SNTG1: variants seen among roughly 807,000 people sequenced by gnomAD.
SNTG1 encodes syntrophin gamma 1.
In SNTG1, 39 loss-of-function variants were observed where a neutral mutation model predicts 74.7. The observed-to-expected ratio is 0.52, with a 90% CI of 0.40 to 0.68. The LOEUF is 0.68. Among genes scored for constraint, SNTG1 ranks in the 30% least tolerant of loss-of-function variants. The pLI is 0.00. For synonymous variants in SNTG1, 254 were observed against 217.1 expected, an observed-to-expected ratio of 1.17 and a Z score of -1.49; for missense variants, 685 against 609.5, an observed-to-expected ratio of 1.12 and a Z score of -1.30.
At chr8:50,142,729 A>G (rs2081710961) in intron 1 of SNTG1, among the ~76,000 whole-genome samples, 1 of 152,138 alleles carries the variant, frequency 6.6e-6, no homozygotes, top group African/African-American at 2.4e-5. Flanking sequence ...GATGTATTTC[A>G]TCATGTTAAA....
rs536140747 is a variant in SNTG1, at chr8:50,120,049, G to T, written c.-102-52512G>T. On this transcript the variant is annotated intron_variant, in intron 1 of 18. Transcript: ENST00000642720. Reference sequence around the variant, plus strand: ...ATGAAGATGAAACCAGTCTTCCTGAGTTAAAAATGTAGCTTTGCCATTTAC... The same window carrying T: ...ATGAAGATGAAACCAGTCTTCCTGATTTAAAAATGTAGCTTTGCCATTTAC... Among the ~76,000 whole-genome samples, 557 of 141,840 alleles carry T rather than the reference G, an allele frequency of 3.9e-3. 80 individuals carry two copies. The highest frequency in any genetic ancestry group is 0.013 in the African/African-American group (528 of 39,374). The allele number at this position is 141,840 out of a possible 152,430, so 93.1% of individuals were successfully genotyped here. A position where few individuals can be genotyped will look rare whatever the true frequency, so the allele number is the denominator to read the frequency against.
At chr8:50,617,643 C>A (rs538660572) in intron 13 of SNTG1, among the ~76,000 whole-genome samples, 309 of 152,262 alleles carry the variant, frequency 2.0e-3, no homozygotes, top group African/African-American at 7.1e-3. Flanking sequence ...AGCCGAGCTC[C>A]CCGAGTGAGC....
chr8:50,152,330 C>T (rs1349831797), intron 1 of SNTG1, among the ~76,000 whole-genome samples: 3 of 152,288 alleles, frequency 2.0e-5, no homozygotes, highest in South Asian at 4.1e-4. Flanking sequence ...CTCCTGAATA[C>T]AGCACACTGA....
intron 1 of SNTG1, among the ~76,000 whole-genome samples, chr8:50,047,300 C>T (rs1173727953): frequency 6.6e-6 from 1 of 151,870 alleles, no homozygotes; most frequent in Admixed American, 6.6e-5. Context: ...GATGGTGCCA[C>T]CATGCTCTAG....
intron 17 of SNTG1, among the ~76,000 whole-genome samples, chr8:50,736,193 C>G (rs1404335647): frequency 6.6e-6 from 1 of 151,972 alleles, no homozygotes; most frequent in East Asian, 1.9e-4. Flanking sequence ...GCCATCGAGA[C>G]TATGAAGAAA....
At chr8:50,048,405 A>G (rs1014276458) in intron 1 of SNTG1, among the ~76,000 whole-genome samples, 1 of 152,164 alleles carries the variant, frequency 6.6e-6, no homozygotes, top group Non-Finnish European at 1.5e-5. Flanking sequence ...GAAAAATGGC[A>G]GAGTGTGGGG....
intron 2 of SNTG1, among the ~76,000 whole-genome samples, chr8:50,270,211 A>G (rs2087707193): frequency 6.6e-6 from 1 of 152,164 alleles, no homozygotes; most frequent in Admixed American, 6.6e-5. Flanking sequence ...TAGGTTTTGA[A>G]TGCCAGGTTA....
chr8:50,386,481 G>A (rs1210456062), intron 2 of SNTG1, among the ~76,000 whole-genome samples: 3 of 151,372 alleles, frequency 2.0e-5, no homozygotes, highest in Non-Finnish European at 4.4e-5. Flanking sequence ...TAGGGTATCA[G>A]CGTCCTTCTT....
chr8:50,185,831 A>C (rs948736607), intron 2 of SNTG1, among the ~76,000 whole-genome samples: 2 of 149,912 alleles, frequency 1.3e-5, no homozygotes, highest in Non-Finnish European at 3.0e-5. Flanking sequence ...TATTTTATTT[A>C]TTTTTTTTTA....
chr8:50,412,227 A>G (rs1305081111), intron 4 of SNTG1, among the ~76,000 whole-genome samples: 1 of 152,128 alleles, frequency 6.6e-6, no homozygotes, highest in Non-Finnish European at 1.5e-5. Flanking sequence ...TTTACCTTTA[A>G]AATAATTTTA....
intron 2 of SNTG1, among the ~76,000 whole-genome samples, chr8:50,188,785 C>T (rs2083469122): frequency 6.6e-6 from 1 of 152,092 alleles, no homozygotes; most frequent in Non-Finnish European, 1.5e-5. Context: ...ATCTGTTTCT[C>T]AAAAGCAGAG....
At chr8:50,410,592 C>T (rs1430585386) in intron 4 of SNTG1, among the ~76,000 whole-genome samples, 1 of 152,096 alleles carries the variant, frequency 6.6e-6, no homozygotes, top group African/African-American at 2.4e-5. Context: ...TATCACCTCC[C>T]CTGCTATATA....
intron 2 of SNTG1, among the ~76,000 whole-genome samples, chr8:50,379,897 G>T (rs2092453188): frequency 6.6e-6 from 1 of 152,170 alleles, no homozygotes; most frequent in African/African-American, 2.4e-5. Context: ...TGTAATGAGA[G>T]AATGGAATGT....
At chr8:49,948,394 C>T (rs1809401378) in intron 1 of SNTG1, among the ~76,000 whole-genome samples, 1 of 152,128 alleles carries the variant, frequency 6.6e-6, no homozygotes, top group African/African-American at 2.4e-5. Flanking sequence ...ATTTTCTCTA[C>T]CAGACATGAA....
intron 2 of SNTG1, among the ~76,000 whole-genome samples, chr8:50,247,669 C>A (rs927625623): frequency 3.2e-5 from 4 of 126,780 alleles, no homozygotes; most frequent in African/African-American, 1.1e-4. Context: ...CCAGTCCCAG[C>A]TAAAGTTTTT....
chr8:49,955,809 T>C (rs2129397547), intron 1 of SNTG1, among the ~76,000 whole-genome samples: 1 of 152,316 alleles, frequency 6.6e-6, no homozygotes, highest in South Asian at 2.1e-4. Flanking sequence ...CTGTATTCCC[T>C]CGCTGTGTCA....
At chr8:50,679,625 C>T (rs2095323352) in intron 15 of SNTG1, among the ~76,000 whole-genome samples, 1 of 152,102 alleles carries the variant, frequency 6.6e-6, no homozygotes, top group Admixed American at 6.6e-5. Context: ...GTCATTCTCA[C>T]TTTTTCTGAA....
chr8:50,600,643 A>T (rs926535736), intron 13 of SNTG1, among the ~76,000 whole-genome samples: 1 of 152,054 alleles, frequency 6.6e-6, no homozygotes, highest in Non-Finnish European at 1.5e-5. Context: ...TTGTAATTAG[A>T]AATTCATCTC....
At chr8:50,461,156 GGTGTGTGTGTGT>G (rs71233496) in intron 8 of SNTG1, among the ~76,000 whole-genome samples, 4,196 of 124,170 alleles carry the variant, frequency 0.034, 205 homozygotes, top group African/African-American at 0.11. Flanking sequence ...AGATTTTTCT[GGTGTGTGTGTGT>G]GTGTGTGTGT....
Sources: gnomAD v4.1 joint callset for allele counts (sites outside exome capture counted in the v4.1 genomes callset) on GRCh38, gnomAD v4.1.1 for gene constraint, MANE v1.5 for transcripts, NCBI Gene and HGNC (gene_info 2026-07-23, HGNC 2026-07-21) for gene names.